The following AKAP19 variants were observed in gnomAD, a reference collection of about 807,000 sequenced individuals.
AKAP19 encodes A-kinase anchoring protein 19, also known as small A-kinase anchoring protein.
chr2:189,925,488 G>A, the AKAP19 span, among the ~76,000 whole-genome samples: 1 of 152,120 alleles, frequency 6.6e-6, no homozygotes, highest in African/African-American at 2.4e-5. Flanking sequence ...AGTTTTCAGG[G>A]AGGCAGTAAC....
chr2:190,018,672 T>C, the AKAP19 span, among the ~76,000 whole-genome samples: 1 of 152,224 alleles, frequency 6.6e-6, no homozygotes, highest in Non-Finnish European at 1.5e-5. Flanking sequence ...GGCTTTATTA[T>C]TTCCTTTTGG....
chr2:189,941,095 C>T, the AKAP19 span, among the ~76,000 whole-genome samples: 1 of 152,170 alleles, frequency 6.6e-6, no homozygotes, highest in South Asian at 2.1e-4. Flanking sequence ...AGTGTAGTGA[C>T]ATTTTCTAAC....
the AKAP19 span, among the ~76,000 whole-genome samples, chr2:189,943,558 A>G: frequency 3.9e-5 from 6 of 152,326 alleles, no homozygotes; most frequent in South Asian, 4.1e-4. Context: ...AGAGTCCCCA[A>G]TGGGACACTG....
the AKAP19 span, chr2:190,180,829 AGCCCGGGCGCCGCCGAAGGAC>A: frequency 2.0e-6 from 2 of 985,088 alleles, no homozygotes; most frequent in South Asian, 9.4e-5. This position sits in a 1 kb window ranked among gnomAD's most constrained non-coding sequence, Gnocchi z 6.8. Context: ...AGGGGCCGGG[AGCCCGGGCGCCGCCGAAGGAC>A]GCCCCGTCCT....
At chr2:190,140,623 A>G in the AKAP19 span, among the ~76,000 whole-genome samples, 2 of 152,292 alleles carry the variant, frequency 1.3e-5, no homozygotes, top group African/African-American at 4.8e-5. Context: ...CAGCTGGGAC[A>G]CAGGGCACCA....
the AKAP19 span, among the ~76,000 whole-genome samples, chr2:190,140,677 A>G: frequency 5.8e-4 from 88 of 152,284 alleles, no homozygotes; most frequent in Admixed American, 1.1e-3. Flanking sequence ...GACCCGGCCC[A>G]TGAAACCATT....
chr2:190,100,072 G>A, the AKAP19 span, among the ~76,000 whole-genome samples: 1 of 152,138 alleles, frequency 6.6e-6, no homozygotes, highest in African/African-American at 2.4e-5. Flanking sequence ...GGAGATTACA[G>A]GCTTCAGACT....
At chr2:189,974,262 G>T in the AKAP19 span, among the ~76,000 whole-genome samples, 1 of 152,166 alleles carries the variant, frequency 6.6e-6, no homozygotes, top group Non-Finnish European at 1.5e-5. Flanking sequence ...GGAGCAGGTT[G>T]TTCAGTTTCC....
the AKAP19 span, among the ~76,000 whole-genome samples, chr2:190,052,118 C>A: frequency 6.6e-6 from 1 of 152,064 alleles, no homozygotes; most frequent in Admixed American, 6.6e-5. Context: ...GGATTACAGG[C>A]GTGATCTACT....
chr2:190,193,778 G>C, the AKAP19 span, among the ~76,000 whole-genome samples: 6 of 152,052 alleles, frequency 3.9e-5, no homozygotes, highest in Non-Finnish European at 5.9e-5. Flanking sequence ...TCATTCTGTT[G>C]TCTCTATCGT....
the AKAP19 span, among the ~76,000 whole-genome samples, chr2:190,050,264 C>G: frequency 6.6e-6 from 1 of 152,294 alleles, no homozygotes; most frequent in Admixed American, 6.5e-5. Flanking sequence ...CTGGCTGAAG[C>G]TCAGCTGCTG....
the AKAP19 span, among the ~76,000 whole-genome samples, chr2:189,964,027 T>C: frequency 2.0e-5 from 3 of 152,092 alleles, no homozygotes; most frequent in Non-Finnish European, 4.4e-5. Flanking sequence ...GTACTGGGAC[T>C]GCAGGCATGA....
chr2:189,884,741 G>A, the AKAP19 span, among the ~76,000 whole-genome samples: 1 of 152,148 alleles, frequency 6.6e-6, no homozygotes, highest in Non-Finnish European at 1.5e-5. Flanking sequence ...TATGAGTATG[G>A]GACTTCTCCA....
chr2:190,133,235 CAAAAAAAAAAAAAAAAA>C, the AKAP19 span, among the ~76,000 whole-genome samples: 1 of 58,106 alleles, frequency 1.7e-5, no homozygotes, highest in African/African-American at 8.1e-5. Flanking sequence ...GAGACTCTGC[CAAAAAAAAAAAAAAAAA>C]AAAAAAAAAA....
chr2:189,939,208 C>A, the AKAP19 span, among the ~76,000 whole-genome samples: 1 of 152,196 alleles, frequency 6.6e-6, no homozygotes, highest in Non-Finnish European at 1.5e-5. Flanking sequence ...ATCAGTGTGG[C>A]CTTTCAGTGG....
At chr2:190,054,920 C>T in the AKAP19 span, among the ~76,000 whole-genome samples, 13 of 152,232 alleles carry the variant, frequency 8.5e-5, 1 homozygote, top group Middle Eastern at 3.4e-3. Context: ...GTCAGTGTGG[C>T]AATTCCTCAG....
the AKAP19 span, among the ~76,000 whole-genome samples, chr2:189,996,105 A>T: frequency 1.3e-5 from 2 of 152,094 alleles, no homozygotes; most frequent in Non-Finnish European, 2.9e-5. Context: ...AATTTCCGAG[A>T]TGTTCTTTGA....
chr2:189,880,695 A>G, the AKAP19 span, among the ~76,000 whole-genome samples: 2 of 152,264 alleles, frequency 1.3e-5, no homozygotes, highest in South Asian at 4.1e-4. Context: ...TTTCAGCTTA[A>G]TTTTTTCCTT....
chr2:190,080,974 G>C, the AKAP19 span, among the ~76,000 whole-genome samples: 11 of 152,274 alleles, frequency 7.2e-5, no homozygotes, highest in African/African-American at 2.6e-4. Flanking sequence ...TTCACTAGGG[G>C]ATCAGGTTCA....
Sources: allele counts gnomAD v4.1 joint callset (sites outside exome capture counted in the v4.1 genomes callset), GRCh38; gene constraint gnomAD v4.1.1; non-coding constraint Gnocchi (gnomAD v3.1); transcripts MANE v1.5; gene names NCBI Gene and HGNC (gene_info 2026-07-23, HGNC 2026-07-21).